Variants in CNTN3 observed in about 807,000 individuals in gnomAD.
CNTN3 encodes the protein contactin 3.
A neutral mutation model predicts 119.1 loss-of-function variants in CNTN3; 60 were observed. That is an observed-to-expected ratio of 0.50 (90% CI 0.41 to 0.62). The LOEUF (loss-of-function observed/expected upper bound fraction) is 0.62, where lower values mean the gene tolerates loss of function less well. CNTN3 is among the 20% of genes least tolerant of loss of function. CNTN3 has a pLI of 0.00. For synonymous variants in CNTN3, 450 were observed against 438.7 expected (o/e 1.03, Z -0.32); for missense variants, 1,101 against 1,242.4 (o/e 0.89, Z 1.71).
At chr3:74,509,061 T>C (rs1013873857) in intron 2 of CNTN3, among the ~76,000 whole-genome samples, 2 of 152,200 alleles carry the variant, frequency 1.3e-5, no homozygotes, top group Admixed American at 6.6e-5. Flanking sequence ...GCCAAAAATG[T>C]TGGCAAACAA....
intron 13 of CNTN3, among the ~76,000 whole-genome samples, chr3:74,332,524 A>G (rs1346734715): frequency 6.6e-6 from 1 of 152,248 alleles, no homozygotes; most frequent in Non-Finnish European, 1.5e-5. Context: ...TATGTAAATC[A>G]AGATAGTTAA....
At position 74,285,402 on chromosome 3, in the gene CNTN3, C is replaced by T. The variant is rs754435970; in HGVS notation, c.2607G>A (p.Leu869=). Residue 869 remains leucine (L), a synonymous_variant, in exon 20 of 23, where the codon CTG becomes CTA. Coordinates refer to ENST00000263665, the MANE Select transcript of CNTN3 (RefSeq NM_020872.3). ...GNETSARLRG[L]KSNLAYYTAV... ...CCGTGTAATAGGCCAGGTTGCTCTT[C>T]AGGCCCCGTAGTCTGGCTGATGTCT... 2 of 1,613,804 alleles carry T rather than the reference C, an allele frequency of 1.2e-6. No individual in the cohort carries two copies. Among genetic ancestry groups the T allele is most frequent in the South Asian group, 1.1e-5 (1 of 91,048 alleles).
intron 1 of CNTN3, among the ~76,000 whole-genome samples, chr3:74,578,358 A>C (rs1288590864): frequency 1.3e-5 from 2 of 152,116 alleles, no homozygotes; most frequent in Non-Finnish European, 2.9e-5. Context: ...AGTAACAAAC[A>C]ATTTAAGGAG....
intron 22 of CNTN3, among the ~76,000 whole-genome samples, chr3:74,264,887 A>G (rs1166840211): frequency 1.3e-5 from 2 of 152,132 alleles, no homozygotes; most frequent in Admixed American, 6.6e-5. Context: ...TTATTTATCA[A>G]TGCAGCATAT....
rs35769290 is a variant in CNTN3, at chr3:74,366,759, CGTGT to C, written c.947-1061_947-1058del. 1.5e-4 allele frequency among the ~76,000 whole-genome samples: 12 copies of C among 79,080 alleles called. 1 individual carries two copies. The highest frequency in any genetic ancestry group is 4.9e-4 in the African/African-American group (9 of 18,244). 51.9% of individuals were successfully genotyped at this position (79,080 alleles called of 152,430 possible). A position where few individuals can be genotyped will look rare whatever the true frequency, so the allele number is the denominator to read the frequency against. On this transcript the variant is annotated intron_variant, in intron 8 of 22. Coordinates refer to ENST00000263665, the MANE Select transcript of CNTN3 (RefSeq NM_020872.3). ...AAGTTTTCTCTTTTATGTGTGTGTG[CGTGT>C]GTGTGTGTGTGTGTGTGTATATATA... is the stretch of plus-strand genomic sequence containing the variant.
intron 4 of CNTN3, among the ~76,000 whole-genome samples, chr3:74,481,431 G>T (rs958320083): frequency 2.0e-5 from 3 of 151,772 alleles, no homozygotes; most frequent in African/African-American, 7.3e-5. Context: ...TACTAGGTTA[G>T]AAATCAGTAT....
chr3:74,314,661 T>C (rs142928811), intron 13 of CNTN3, among the ~76,000 whole-genome samples: 27 of 152,256 alleles, frequency 1.8e-4, no homozygotes, highest in African/African-American at 5.1e-4. Context: ...CAAATACAGA[T>C]AGAACTTCAA....
At chr3:74,283,990 A>G (rs1169991514) in intron 20 of CNTN3, among the ~76,000 whole-genome samples, 1 of 152,140 alleles carries the variant, frequency 6.6e-6, no homozygotes, top group East Asian at 1.9e-4. Flanking sequence ...GTTTCTTGCT[A>G]AATTTGTGCT....
At chr3:74,476,159 G>A (rs1702650994) in intron 4 of CNTN3, among the ~76,000 whole-genome samples, 1 of 152,026 alleles carries the variant, frequency 6.6e-6, no homozygotes, top group South Asian at 2.1e-4. Flanking sequence ...CAATATATAA[G>A]GTGTCTTTAA....
chr3:74,556,882 A>T (rs1704077390), intron 1 of CNTN3, among the ~76,000 whole-genome samples: 1 of 152,176 alleles, frequency 6.6e-6, no homozygotes, highest in African/African-American at 2.4e-5. Flanking sequence ...GCATTTCCCT[A>T]ATGGCTAATG....
intron 5 of CNTN3, among the ~76,000 whole-genome samples, chr3:74,417,262 C>CT (rs1390513679): frequency 1.3e-5 from 2 of 152,170 alleles, no homozygotes; most frequent in African/African-American, 4.8e-5. Flanking sequence ...GAATTCCTAT[C>CT]TATCTTCCTA....
chr3:74,421,126 C>T (rs1701609149), intron 5 of CNTN3, among the ~76,000 whole-genome samples: 2 of 152,154 alleles, frequency 1.3e-5, no homozygotes, highest in South Asian at 4.1e-4. Context: ...ATCTAAGCAA[C>T]ACTCAATAGA....
chr3:74,500,494 C>G (rs1210246153), intron 2 of CNTN3, among the ~76,000 whole-genome samples: 1 of 119,838 alleles, frequency 8.3e-6, no homozygotes, highest in Non-Finnish European at 1.7e-5. Flanking sequence ...TTTCTGAAAA[C>G]AAACAAATTC....
chr3:74,582,224 G>C (rs763363672), intron 1 of CNTN3, among the ~76,000 whole-genome samples: 11 of 152,084 alleles, frequency 7.2e-5, no homozygotes, highest in Non-Finnish European at 1.3e-4. Flanking sequence ...GGCTAACACA[G>C]TGAAACTCCG....
chr3:74,587,923 C>G (rs558811394), intron 1 of CNTN3, among the ~76,000 whole-genome samples: 5 of 152,220 alleles, frequency 3.3e-5, no homozygotes, highest in African/African-American at 1.2e-4. Flanking sequence ...ATGACATTGG[C>G]TGTGGGTTTG....
At chr3:74,602,471 G>A (rs1052222625) in intron 1 of CNTN3, among the ~76,000 whole-genome samples, 1 of 151,860 alleles carries the variant, frequency 6.6e-6, no homozygotes, top group Admixed American at 6.6e-5. Context: ...AATTCATGTG[G>A]GTAAATGGTA....
chr3:74,307,904 G>A (rs1559694626), intron 13 of CNTN3, among the ~76,000 whole-genome samples: 1 of 152,146 alleles, frequency 6.6e-6, no homozygotes, highest in Non-Finnish European at 1.5e-5. Context: ...ATTTGGAACC[G>A]AGGTTGAGTA....
chr3:74,369,425 T>G (rs764557510), intron 7 of CNTN3, 52 bp from the exon 8 acceptor site: 2 of 1,418,658 alleles, frequency 1.4e-6, no homozygotes, highest in Non-Finnish European at 1.9e-6. Flanking sequence ...CCTTTTCAAC[T>G]TGAGAAAATA....
intron 11 of CNTN3, among the ~76,000 whole-genome samples, chr3:74,351,298 C>T (rs1193379039): frequency 1.3e-5 from 2 of 152,210 alleles, no homozygotes; most frequent in Non-Finnish European, 2.9e-5. Flanking sequence ...AATTTGTCCA[C>T]AGGAAACCTT....
Sources: gnomAD v4.1 joint callset for allele counts (sites outside exome capture counted in the v4.1 genomes callset) on GRCh38, gnomAD v4.1.1 for gene constraint, MANE v1.5 for transcripts, NCBI Gene and HGNC (gene_info 2026-07-23, HGNC 2026-07-21) for gene names.